Variants in CCDC169 observed in about 807,000 individuals in gnomAD.
CCDC169 encodes coiled-coil domain containing 169.
A neutral mutation model predicts 36.0 loss-of-function variants in CCDC169; 30 were observed. That is an observed-to-expected ratio of 0.83 (90% CI 0.62 to 1.13). CCDC169 has a LOEUF of 1.13. Ranked by LOEUF, CCDC169 falls within the 50% of genes most tolerant of loss-of-function variation. CCDC169 has a pLI of 0.00. For missense variants in CCDC169, 245 were observed against 245.9 expected (o/e 1.00, Z 0.03); for synonymous variants, 85 against 81.5 (o/e 1.04, Z -0.23).
chr13:36,247,916 T>C (rs768189756), intron 7 of CCDC169, among the ~76,000 whole-genome samples: 1 of 152,166 alleles, frequency 6.6e-6, no homozygotes, highest in Non-Finnish European at 1.5e-5. Context: ...ACATCTTTCA[T>C]AAAAGAGTCA....
chr13:36,237,287 G>C (rs777007346), intron 7 of CCDC169, among the ~76,000 whole-genome samples: 1 of 151,926 alleles, frequency 6.6e-6, no homozygotes, highest in East Asian at 1.9e-4. Flanking sequence ...TTTAAATAAA[G>C]GACAACATGT....
At chr13:36,254,700 T>C (rs1234604923) in intron 4 of CCDC169, among the ~76,000 whole-genome samples, 4 of 152,196 alleles carry the variant, frequency 2.6e-5, no homozygotes, top group African/African-American at 9.7e-5. Context: ...AAAAACGGTA[T>C]CGTACAAACC....
chr13:36,287,647 C>A (rs527774015), intron 2 of CCDC169, among the ~76,000 whole-genome samples: 1 of 152,146 alleles, frequency 6.6e-6, no homozygotes, highest in Admixed American at 6.5e-5. Flanking sequence ...AGTCCAAATG[C>A]TTTTCAAGTG....
intron 2 of CCDC169, among the ~76,000 whole-genome samples, chr13:36,289,324 C>T (rs1466273656): frequency 6.6e-6 from 1 of 152,138 alleles, no homozygotes; most frequent in Non-Finnish European, 1.5e-5. Flanking sequence ...TCTGGTTCCA[C>T]TGTTGTGGCC....
chr13:36,258,836 C>T (rs1038273877), intron 4 of CCDC169, among the ~76,000 whole-genome samples: 2 of 152,144 alleles, frequency 1.3e-5, no homozygotes, highest in Middle Eastern at 3.2e-3. Context: ...ACGGATTTGC[C>T]TCTAATTCTT....
intron 4 of CCDC169, 92 bp downstream of exon 4, chr13:36,283,377 C>G: frequency 8.3e-7 from 1 of 1,209,546 alleles, no homozygotes; most frequent in Non-Finnish European, 1.2e-6. Context: ...GGACCTTGCG[C>G]TAGTCTTCAA....
At chr13:36,248,825 T>C (rs1872797269) in intron 6 of CCDC169, 143 bp from the exon 7 acceptor site, 5 of 689,934 alleles carry the variant, frequency 7.2e-6, no homozygotes, top group Non-Finnish European at 1.2e-5. Context: ...AATGGGAAAT[T>C]CTGGCCTTCT....
chr13:36,293,173 T>C (rs1413757330), intron 2 of CCDC169, among the ~76,000 whole-genome samples: 1 of 152,198 alleles, frequency 6.6e-6, no homozygotes, highest in Non-Finnish European at 1.5e-5. Flanking sequence ...CATGTGCGCA[T>C]ATTTCCAGTA....
At chr13:36,288,272 C>A (rs1272822542) in intron 2 of CCDC169, among the ~76,000 whole-genome samples, 3 of 152,128 alleles carry the variant, frequency 2.0e-5, no homozygotes, top group African/African-American at 7.2e-5. Flanking sequence ...CCGCAGCCTC[C>A]CAAAGTGCTG....
At chr13:36,227,831 C>T (rs1870018424), downstream of CCDC169, among the ~76,000 whole-genome samples, 1 of 152,182 alleles carries the variant, frequency 6.6e-6, no homozygotes, top group Admixed American at 6.5e-5. Context: ...CATCACCGAC[C>T]TTCCCCCAAC....
chr13:36,285,111 T>C (rs1212711836), intron 2 of CCDC169, among the ~76,000 whole-genome samples: 1 of 152,248 alleles, frequency 6.6e-6, no homozygotes, highest in Non-Finnish European at 1.5e-5. Flanking sequence ...TAACGGATTC[T>C]TCAGAGCAAG....
intron 4 of CCDC169, among the ~76,000 whole-genome samples, chr13:36,266,844 C>A (rs1375856768): frequency 1.3e-5 from 2 of 152,196 alleles, no homozygotes; most frequent in Non-Finnish European, 2.9e-5. Context: ...GTCACACCTA[C>A]CAATCAGAAC....
intron 2 of CCDC169, among the ~76,000 whole-genome samples, chr13:36,289,619 T>C (rs541744764): frequency 6.6e-6 from 1 of 152,346 alleles, no homozygotes; most frequent in African/African-American, 2.4e-5. Context: ...CAGGTTTTTC[T>C]TTGCCTTTCT....
downstream of CCDC169, among the ~76,000 whole-genome samples, chr13:36,230,420 A>G (rs1484471231): frequency 6.6e-6 from 1 of 152,250 alleles, no homozygotes; most frequent in Non-Finnish European, 1.5e-5. Flanking sequence ...TCCTCATTCT[A>G]TCTCCACATC....
At chr13:36,248,087 T>C (rs1184810767) in intron 7 of CCDC169, among the ~76,000 whole-genome samples, 1 of 152,184 alleles carries the variant, frequency 6.6e-6, no homozygotes, top group African/African-American at 2.4e-5. Flanking sequence ...AAATGATCAA[T>C]AGCATTTTTC....
downstream of CCDC169, chr13:36,224,467 A>G (rs1869758595): frequency 6.6e-6 from 1 of 152,180 alleles, no homozygotes; most frequent in South Asian, 2.1e-4. Context: ...CAAAAAATCA[A>G]TAACATTTCT....
At chr13:36,251,361 C>T (rs1017413757) in intron 6 of CCDC169, among the ~76,000 whole-genome samples, 4 of 141,386 alleles carry the variant, frequency 2.8e-5, no homozygotes, top group Admixed American at 7.3e-5. Flanking sequence ...TAACAATTCA[C>T]TCTAGAGTGA....
At chr13:36,235,441 A>C (rs1348434795) in intron 7 of CCDC169, among the ~76,000 whole-genome samples, 1 of 151,970 alleles carries the variant, frequency 6.6e-6, no homozygotes, top group Non-Finnish European at 1.5e-5. Context: ...ATTTATTTAA[A>C]AATATATTTA....
chr13:36,278,910 T>C (rs528644152), intron 4 of CCDC169, among the ~76,000 whole-genome samples: 2 of 152,324 alleles, frequency 1.3e-5, no homozygotes, highest in African/African-American at 4.8e-5. Flanking sequence ...ACTTACCATT[T>C]CCTAACATCC....
Sources: allele counts gnomAD v4.1 joint callset (sites outside exome capture counted in the v4.1 genomes callset), GRCh38; gene constraint gnomAD v4.1.1; transcripts MANE v1.5; gene names NCBI Gene and HGNC (gene_info 2026-07-23, HGNC 2026-07-21).